Variants in FAM199X observed in about 807,000 individuals in gnomAD.
FAM199X encodes the protein family with sequence similarity 199, X-linked.
A neutral mutation model predicts 22.9 loss-of-function variants in FAM199X; 4 were observed. The observed-to-expected ratio is 0.17, with a 90% CI of 0.09 to 0.40. The LOEUF is 0.40. Among genes scored for constraint, FAM199X ranks in the 10% least tolerant of loss-of-function variants. The pLI, the probability that FAM199X is intolerant of heterozygous loss-of-function variation, is 1.00. For missense variants in FAM199X, 183 were observed against 306.8 expected, an observed-to-expected ratio of 0.60 and a Z score of 3.01; for synonymous variants, 101 against 112.3, an observed-to-expected ratio of 0.90 and a Z score of 0.64.
chrX:104,164,892 A>T (rs1680343906), upstream of FAM199X, among the ~76,000 whole-genome samples: 1 of 111,406 alleles, frequency 9.0e-6, no homozygotes, highest in South Asian at 3.8e-4. Flanking sequence ...AAAAATATAA[A>T]ATAAAATAAA....
intron 1 of FAM199X, among the ~76,000 whole-genome samples, chrX:104,171,798 A>G (rs895612697): frequency 8.9e-6 from 1 of 112,184 alleles, no homozygotes; most frequent in East Asian, 2.8e-4. Flanking sequence ...ATATCATTTA[A>G]TCCTCATATT....
rs186123693 is a variant in FAM199X at position 104,195,285 on chromosome X, G to A, written c.*5507G>A. ...ATACTTCTGAGTCAGCTCCTTTCAT[G>A]CTCTATCCCAGAATATTTACCAACA... On this transcript the variant is annotated 3_prime_UTR_variant, in exon 6 of 6. Transcript: ENST00000493442. 9.0e-6 allele frequency: 1 copy of A among 111,483 alleles called. No homozygotes were observed. The highest frequency in any genetic ancestry group is 2.8e-4 in the East Asian group (1 of 3,557). 9.2% of individuals were successfully genotyped at this position (111,483 alleles called of 1,213,427 possible). A position where few individuals can be genotyped will look rare whatever the true frequency, so the allele number is the denominator to read the frequency against.
intron 5 of FAM199X, 84 bp downstream of exon 5, chrX:104,188,390 T>G: frequency 1.9e-6 from 2 of 1,078,331 alleles, no homozygotes; most frequent in Non-Finnish European, 2.5e-6. Flanking sequence ...AGAGTTAAAA[T>G]GATCCTGCTG....
intron 5 of FAM199X, among the ~76,000 whole-genome samples, chrX:104,188,824 A>AG (rs1422182016): frequency 5.4e-5 from 6 of 110,498 alleles, no homozygotes; most frequent in Non-Finnish European, 9.5e-5. Flanking sequence ...CTTAAAAAAA[A>AG]AAAGAAGGTA....
chrX:104,185,439 C>T (rs1189843014), intron 2 of FAM199X, among the ~76,000 whole-genome samples: 10 of 110,842 alleles, frequency 9.0e-5, no homozygotes, highest in Admixed American at 7.7e-4. Context: ...ATTGACTCTT[C>T]GGTTACCATT....
At chrX:104,166,072 T>C (rs192905978), upstream of FAM199X, among the ~76,000 whole-genome samples, 11 of 112,408 alleles carry the variant, frequency 9.8e-5, 1 homozygote, top group Admixed American at 1.0e-3. Flanking sequence ...CTCCTACACC[T>C]CATTGCACGG....
At position 104,189,667 on chromosome X, in the gene FAM199X, G is replaced by A; in HGVS notation, c.1056G>A (p.Glu352=). The A allele has an allele frequency of 8.3e-7, 1 of 1,211,854 alleles. No homozygotes were observed. Among genetic ancestry groups the A allele is most frequent in the Non-Finnish European group, 1.1e-6 (1 of 895,421 alleles). Residue 352 remains glutamate, a synonymous_variant, in exon 6 of 6, where the codon GAG becomes GAA. Coordinates refer to ENST00000493442, the MANE Select transcript of FAM199X (RefSeq NM_207318.4). ...QKAFRKRQLK[E]QRQARKERLS... Reference sequence around the variant, plus strand: ...CCTTCCGCAAGAGGCAGCTGAAGGAGCAGAGGCAGGCCCGGAAGGAGAGGC... The same window carrying A: ...CCTTCCGCAAGAGGCAGCTGAAGGAACAGAGGCAGGCCCGGAAGGAGAGGC...
At position 104,188,206 on chromosome X, in the gene FAM199X, G is replaced by T. The variant is rs1408214348; in HGVS notation, c.896G>T (p.Ser299Ile). 1 of 1,210,887 alleles carries T rather than the reference G, an allele frequency of 8.3e-7. No homozygotes were observed. Among genetic ancestry groups the T allele is most frequent in the Non-Finnish European group, 1.1e-6 (1 of 895,454 alleles). Residue 299 changes from serine (S) to isoleucine (I), a missense_variant, in exon 5 of 6, where the codon AGT (serine) becomes ATT (isoleucine). By Grantham distance (142) the Ser-to-Ile change is moderately radical. Around this residue, in one of 2 missense-constraint regions of FAM199X, gnomAD observed 128 missense variants for 246.2 expected, o/e 0.52. Coordinates refer to ENST00000493442, the MANE Select transcript of FAM199X (RefSeq NM_207318.4). ...AGTTCTGCAAGCAGCAGTGGGTCCA[G>T]TGTTGGAAACTCTGCTTCAAACTCC... ...MVSSASSSGS[S>I]VGNSASNSSA...
chrX:104,184,461 A>G (rs1348942801), intron 2 of FAM199X, among the ~76,000 whole-genome samples: 2 of 112,201 alleles, frequency 1.8e-5, no homozygotes, highest in Admixed American at 1.9e-4. Context: ...TTTTTGATGA[A>G]TGACTTAAAT....
rs1447915690 is a variant in FAM199X, at chrX:104,195,098, T to G, written c.*5320T>G. On this transcript the variant is annotated 3_prime_UTR_variant, in exon 6 of 6. Coordinates refer to ENST00000493442, the MANE Select transcript of FAM199X (RefSeq NM_207318.4). ...AGTTCAGTAGTGAAATCTAAATGAG[T>G]GTGTATGGTTGTAATTAAAACTGGC... 5.4e-5 allele frequency: 6 copies of G among 110,499 alleles called. No individual in the cohort carries two copies. The highest frequency in any genetic ancestry group is 1.1e-4 in the Non-Finnish European group (6 of 52,831). The allele number at this position is 110,499 out of a possible 1,213,427, so 9.1% of individuals were successfully genotyped here. A position where few individuals can be genotyped will look rare whatever the true frequency, so the allele number is the denominator to read the frequency against.
At chrX:104,173,790 C>T (rs1231076979) in intron 1 of FAM199X, among the ~76,000 whole-genome samples, 1 of 111,004 alleles carries the variant, frequency 9.0e-6, no homozygotes. Flanking sequence ...GATTTCAAGA[C>T]CAAAAAAAGA....
chrX:104,194,179 C>T lies in FAM199X; in HGVS notation c.*4401C>T, dbSNP rs782715235. 147 of 111,056 alleles carry T rather than the reference C, an allele frequency of 1.3e-3. 1 individual carries two copies. The highest frequency in any genetic ancestry group is 4.3e-3 in the African/African-American group (133 of 30,675). The allele number at this position is 111,056 out of a possible 1,213,427, so 9.2% of individuals were successfully genotyped here. A position where few individuals can be genotyped will look rare whatever the true frequency, so the allele number is the denominator to read the frequency against. ...TTAAATTTTAATTTGACACTCATAC[C>T]GAACTCAGAAAAGCTTGTTTGATCT... On this transcript the variant is annotated 3_prime_UTR_variant, in exon 6 of 6. Coordinates refer to ENST00000493442, the MANE Select transcript of FAM199X (RefSeq NM_207318.4).
At chrX:104,173,093 C>G (rs1299653196) in intron 1 of FAM199X, among the ~76,000 whole-genome samples, 2 of 111,120 alleles carry the variant, frequency 1.8e-5, no homozygotes, top group Admixed American at 1.9e-4. Context: ...TTCAGCCTCC[C>G]GAGAGTAGCT....
At chrX:104,160,591 T>C in the FAM199X span, among the ~76,000 whole-genome samples, 1 of 112,064 alleles carries the variant, frequency 8.9e-6, no homozygotes, top group Non-Finnish European at 1.9e-5. Flanking sequence ...AGTCTAGAAG[T>C]GTTAAAAGAA....
chrX:104,179,939 A>G (rs1249580587), intron 2 of FAM199X, among the ~76,000 whole-genome samples: 2 of 104,785 alleles, frequency 1.9e-5, no homozygotes, highest in African/African-American at 3.5e-5. Flanking sequence ...CTCATTTAAG[A>G]TACAAACTTT....
intron 1 of FAM199X, among the ~76,000 whole-genome samples, chrX:104,170,253 T>C (rs1264811375): frequency 8.9e-6 from 1 of 112,172 alleles, no homozygotes; most frequent in Admixed American, 9.4e-5. Flanking sequence ...GACTATTGTG[T>C]GCCTTTGGTA....
chrX:104,184,062 C>G (rs782251679), intron 2 of FAM199X, among the ~76,000 whole-genome samples: 1 of 112,361 alleles, frequency 8.9e-6, no homozygotes, highest in South Asian at 3.7e-4. Context: ...CAGCCCACTG[C>G]TAGATATTTC....
chrX:104,165,684 G>C (rs894090327), upstream of FAM199X, among the ~76,000 whole-genome samples: 40 of 110,910 alleles, frequency 3.6e-4, no homozygotes, highest in African/African-American at 1.3e-3. Context: ...CACTTGCCCA[G>C]AATATAGAGA....
chrX:104,166,363 G>A (rs1441721423), upstream of FAM199X, among the ~76,000 whole-genome samples: 1 of 111,254 alleles, frequency 9.0e-6, no homozygotes, highest in Non-Finnish European at 1.9e-5. Flanking sequence ...GGCGGGCGGA[G>A]GTTCAGTTCC....
Sources: allele counts gnomAD v4.1 joint callset (sites outside exome capture counted in the v4.1 genomes callset), GRCh38; gene constraint gnomAD v4.1.1; regional missense constraint gnomAD v4.1.1; transcripts MANE v1.5; gene names NCBI Gene and HGNC (gene_info 2026-07-23, HGNC 2026-07-21).